The following ADGRL2 variants were observed in gnomAD, a reference collection of about 807,000 sequenced individuals.
ADGRL2 encodes the protein adhesion G protein-coupled receptor L2, also known as calcium-independent alpha-latrotoxin receptor 2.
A neutral mutation model predicts 157.4 loss-of-function variants in ADGRL2; 44 were observed. The ratio of observed to expected loss-of-function variants is 0.28; its 90% CI spans 0.22 to 0.36. The LOEUF is 0.36. Ranked by LOEUF, ADGRL2 falls within the 10% of genes least tolerant of loss-of-function variation. ADGRL2 has a pLI of 1.00. For missense variants in ADGRL2, 1,510 were observed against 1,768.9 expected, an observed-to-expected ratio of 0.85 and a Z score of 2.63; for synonymous variants, 585 against 624.7, an observed-to-expected ratio of 0.94 and a Z score of 0.95.
intron 3 of ADGRL2, among the ~76,000 whole-genome samples, chr1:81,610,296 T>A (rs1204310175): frequency 4.7e-5 from 7 of 149,584 alleles, no homozygotes; most frequent in Admixed American, 6.7e-5. Context: ...CTAAAGATAT[T>A]CAAGCTAATA....
chr1:81,487,979 T>A (rs569214469), intron 2 of ADGRL2, among the ~76,000 whole-genome samples: 25 of 152,280 alleles, frequency 1.6e-4, no homozygotes, highest in Admixed American at 5.9e-4. Flanking sequence ...ATATCACAGG[T>A]CTGTGCTCTC....
At chr1:81,906,980 G>A in intron 2 of ADGRL2, 37 bp from the exon 3 acceptor site, 1 of 1,470,936 alleles carries the variant, frequency 6.8e-7, no homozygotes, top group South Asian at 1.2e-5. Flanking sequence ...TCTTATAAAT[G>A]AGTTACAGTT....
chr1:81,339,002 C>A (rs1389123424), intron 1 of ADGRL2, among the ~76,000 whole-genome samples: 1 of 152,142 alleles, frequency 6.6e-6, no homozygotes, highest in Admixed American at 6.5e-5. Flanking sequence ...GTGGCACTAA[C>A]TTTTACTCAG....
At chr1:81,608,452 T>C (rs893938953) in intron 3 of ADGRL2, among the ~76,000 whole-genome samples, 2 of 152,200 alleles carry the variant, frequency 1.3e-5, no homozygotes, top group African/African-American at 4.8e-5. Context: ...ATCTCATTAA[T>C]AAACATCACA....
chr1:81,949,348 CAGTTT>C (rs1473679406), intron 6 of ADGRL2, among the ~76,000 whole-genome samples: 1 of 152,162 alleles, frequency 6.6e-6, no homozygotes, highest in African/African-American at 2.4e-5. Context: ...GTGGATTTAA[CAGTTT>C]AGTAACATTG....
intron 1 of ADGRL2, among the ~76,000 whole-genome samples, chr1:81,805,695 G>A (rs1440374321): frequency 1.4e-5 from 2 of 141,500 alleles, no homozygotes; most frequent in Non-Finnish European, 3.0e-5. Flanking sequence ...TTATTTATCT[G>A]ATCCCTTCAC....
chr1:81,899,024 G>A (rs1248491250), intron 2 of ADGRL2, among the ~76,000 whole-genome samples: 1 of 152,080 alleles, frequency 6.6e-6, no homozygotes, highest in Non-Finnish European at 1.5e-5. Flanking sequence ...TGCTTCCTGG[G>A]ACCCTCAAAC....
chr1:81,506,703 C>G (rs1273178869), intron 2 of ADGRL2, among the ~76,000 whole-genome samples: 6 of 150,232 alleles, frequency 4.0e-5, no homozygotes, highest in Non-Finnish European at 8.8e-5. Context: ...GAGTGAGACC[C>G]AGTCTCAAAA....
chr1:81,480,209 T>C lies in ADGRL2; in HGVS notation c.-248+35120T>C, dbSNP rs79462369. Among the ~76,000 whole-genome samples the C allele has an allele frequency of 5.9e-3, 891 of 152,294 alleles. 22 individuals carry two copies. In the East Asian group the frequency reaches 0.068, roughly 12 times the overall value. ...TTCGTTTCCAGCATTATTACCATTT[T>C]CCTTGGCCTGGTGGATGAACTTTTC... On this transcript the variant is annotated intron_variant, in intron 2 of 24. Coordinates refer to the ADGRL2 transcript ENST00000370721.
At position 81,405,714 on chromosome 1, in the gene ADGRL2, G is replaced by GTTTTTTT. The variant is rs1325756471; in HGVS notation, c.-301-39322_-301-39321insTTTTTTT. On this transcript the variant is annotated intron_variant, in intron 1 of 24. Transcript: ENST00000370721. Reference sequence around the variant, plus strand: ...TCTCACATTTTCAAAATAATAATAGGGATTATTTTCATAAGGCCTCTTATT... The same window carrying GTTTTTTT: ...TCTCACATTTTCAAAATAATAATAGGTTTTTTTGATTATTTTCATAAGGCCTCTTATT... Among the ~76,000 whole-genome samples the GTTTTTTT allele has an allele frequency of 3.3e-5, 5 of 151,258 alleles. No individual in the cohort carries two copies. The East Asian group carries it at 9.7e-4, about 29-fold the overall frequency.
At chr1:81,883,573 C>T (rs2094043942) in intron 2 of ADGRL2, among the ~76,000 whole-genome samples, 1 of 152,076 alleles carries the variant, frequency 6.6e-6, no homozygotes, top group South Asian at 2.1e-4. Flanking sequence ...AAATTTCATA[C>T]CATGAGATTT....
intron 17 of ADGRL2, among the ~76,000 whole-genome samples, chr1:81,974,748 G>A (rs1158610657): frequency 1.4e-5 from 2 of 138,338 alleles, no homozygotes; most frequent in African/African-American, 2.5e-5. Context: ...AAAACAAACT[G>A]TGCACTCCTA....
intron 1 of ADGRL2, among the ~76,000 whole-genome samples, chr1:81,391,256 G>T (rs2076548957): frequency 6.6e-6 from 1 of 152,304 alleles, no homozygotes. Flanking sequence ...GTTTGTGCTT[G>T]TGGCACTTGT....
In ADGRL2 at chr1:81,307,985, C is replaced by T. The variant is rs527817787; in HGVS notation, c.-302+1476C>T. 9.2e-5 allele frequency among the ~76,000 whole-genome samples: 14 copies of T among 151,768 alleles called. No homozygotes were observed. The South Asian group carries it at 2.5e-3, about 27-fold the overall frequency. On this transcript the variant is annotated intron_variant, in intron 1 of 24. Coordinates refer to the ADGRL2 transcript ENST00000370721. ...CTCTGGCATTTGTTAGGTTACTGCA[C>T]GTAGAATTTAACAGATAAATATGTT...
intron 1 of ADGRL2, among the ~76,000 whole-genome samples, chr1:81,705,325 C>T (rs1233517538): frequency 1.3e-5 from 2 of 152,178 alleles, no homozygotes; most frequent in East Asian, 3.9e-4. Flanking sequence ...GCCACCACGC[C>T]CAGCCCTGTG....
intron 1 of ADGRL2, among the ~76,000 whole-genome samples, chr1:81,814,037 A>G (rs2149713444): frequency 6.6e-6 from 1 of 151,854 alleles, no homozygotes; most frequent in East Asian, 1.9e-4. Context: ...AAGAAATTGT[A>G]CTGAAAAGTT....
chr1:81,640,670 A>T (rs1355669085), intron 3 of ADGRL2, among the ~76,000 whole-genome samples: 3 of 151,364 alleles, frequency 2.0e-5, no homozygotes, highest in Non-Finnish European at 4.4e-5. Context: ...TAAATAAATA[A>T]ATTACAGAAG....
intron 2 of ADGRL2, among the ~76,000 whole-genome samples, chr1:81,572,306 T>C (rs953351727): frequency 2.0e-5 from 3 of 152,220 alleles, no homozygotes; most frequent in Admixed American, 6.5e-5. Flanking sequence ...TCTACTACAG[T>C]GTTCATTCAC....
At chr1:81,466,314 T>G (rs1363745714) in intron 2 of ADGRL2, among the ~76,000 whole-genome samples, 2 of 152,210 alleles carry the variant, frequency 1.3e-5, no homozygotes, top group African/African-American at 4.8e-5. Flanking sequence ...ATTTTCATGA[T>G]ATCAAAGTGT....
Sources: gnomAD v4.1 joint callset for allele counts (sites outside exome capture counted in the v4.1 genomes callset) on GRCh38, gnomAD v4.1.1 for gene constraint, MANE v1.5 for transcripts, NCBI Gene and HGNC (gene_info 2026-07-23, HGNC 2026-07-21) for gene names.